Variants in TGFBR3 observed in about 807,000 individuals in gnomAD.
The protein encoded by TGFBR3 is transforming growth factor beta receptor 3, also known as transforming growth factor beta receptor type 3.
In TGFBR3, 46 loss-of-function variants were observed where a neutral mutation model predicts 87.9. The ratio of observed to expected loss-of-function variants is 0.52; its 90% CI spans 0.41 to 0.67. TGFBR3 has a LOEUF of 0.67. TGFBR3 is among the 30% of genes least tolerant of loss of function. The pLI is 0.00. For synonymous variants in TGFBR3, 381 were observed against 391.6 expected (o/e 0.97, Z 0.32); for missense variants, 866 against 1,041.9 (o/e 0.83, Z 2.32).
At chr1:91,755,651 C>T (rs1290884038) in intron 4 of TGFBR3, among the ~76,000 whole-genome samples, 1 of 152,168 alleles carries the variant, frequency 6.6e-6, no homozygotes, top group African/African-American at 2.4e-5. Flanking sequence ...CACCTTCTTT[C>T]ATTGTTAGTG....
At chr1:91,783,722 A>C (rs1349887366) in intron 3 of TGFBR3, among the ~76,000 whole-genome samples, 1 of 152,242 alleles carries the variant, frequency 6.6e-6, no homozygotes, top group Admixed American at 6.5e-5. Context: ...GAGTAAACAA[A>C]GGAAAAAGCC....
intron 2 of TGFBR3, among the ~76,000 whole-genome samples, chr1:91,851,072 T>C (rs1488792333): frequency 1.3e-5 from 2 of 152,194 alleles, no homozygotes; most frequent in Non-Finnish European, 2.9e-5. Context: ...CAGAGTAACT[T>C]TAAAATAATT....
At chr1:91,848,061 A>G (rs974843807) in intron 2 of TGFBR3, among the ~76,000 whole-genome samples, 1 of 152,168 alleles carries the variant, frequency 6.6e-6, no homozygotes, top group Non-Finnish European at 1.5e-5. Context: ...GCATCTGTGG[A>G]ACTCACTGCC....
At chr1:91,848,713 G>A (rs1223858514) in intron 2 of TGFBR3, among the ~76,000 whole-genome samples, 1 of 152,188 alleles carries the variant, frequency 6.6e-6, no homozygotes, top group Non-Finnish European at 1.5e-5. Context: ...ACTGTAAGAA[G>A]CACTTCTGCA....
intron 4 of TGFBR3, among the ~76,000 whole-genome samples, chr1:91,739,880 G>A (rs1404844565): frequency 6.6e-6 from 1 of 152,134 alleles, no homozygotes; most frequent in African/African-American, 2.4e-5. Context: ...TTATATGGCA[G>A]GAGCAGGAGG....
intron 2 of TGFBR3, among the ~76,000 whole-genome samples, chr1:91,834,467 T>C (rs1362855846): frequency 6.6e-6 from 1 of 152,214 alleles, no homozygotes; most frequent in African/African-American, 2.4e-5. Context: ...TGCACTAAAG[T>C]GAAAATCTAT....
intron 2 of TGFBR3, among the ~76,000 whole-genome samples, chr1:91,802,545 G>C (rs1300655577): frequency 2.0e-5 from 3 of 151,938 alleles, no homozygotes; most frequent in African/African-American, 7.3e-5. Context: ...ATTTTCAATA[G>C]AGATGGGGTT....
chr1:91,684,569 A>C (rs1671026717), intron 16 of TGFBR3, among the ~76,000 whole-genome samples: 1 of 152,168 alleles, frequency 6.6e-6, no homozygotes, highest in South Asian at 2.1e-4. Context: ...CACTTTAAGC[A>C]TCCCACTTTT....
chr1:91,681,576 C>CTAAT lies in TGFBR3; in HGVS notation c.*2159_*2162dup. The CTAAT allele has an allele frequency of 2.5e-6, 1 of 397,610 alleles. No homozygotes were observed. Among genetic ancestry groups the CTAAT allele is most frequent in the Admixed American group, 3.4e-5 (1 of 29,366 alleles). 24.6% of individuals were successfully genotyped at this position (397,610 alleles called of 1,614,324 possible). ...TCAATCTTTTAATATCTCCTAATAGCTAATTTTCTTTTTAACACGATGGAA... is the reference window on the plus strand; with the variant it reads ...TCAATCTTTTAATATCTCCTAATAGCTAATTAATTTTCTTTTTAACACGATGGAA... On this transcript the variant is annotated 3_prime_UTR_variant, in exon 17 of 17. Transcript: ENST00000212355.
intron 4 of TGFBR3, among the ~76,000 whole-genome samples, chr1:91,753,982 T>G (rs567200746): frequency 6.6e-6 from 1 of 152,214 alleles, no homozygotes; most frequent in African/African-American, 2.4e-5. Context: ...CCACCAGCAA[T>G]GTATGCGTGT....
At chr1:91,888,042 ACCCAATGG>A (rs556350215), upstream of TGFBR3, among the ~76,000 whole-genome samples, 155 of 152,132 alleles carry the variant, frequency 1.0e-3, no homozygotes, top group Non-Finnish European at 2.0e-3. Context: ...CCTAGGAGGA[ACCCAATGG>A]GAGGTAATTG....
At chr1:91,855,624 C>A (rs1359229965) in intron 2 of TGFBR3, among the ~76,000 whole-genome samples, 1 of 152,134 alleles carries the variant, frequency 6.6e-6, no homozygotes, top group African/African-American at 2.4e-5. Flanking sequence ...ACAATTATCA[C>A]AAATTACAAA....
At chr1:91,882,138 CTTTT>C (rs533806602) in intron 1 of TGFBR3, among the ~76,000 whole-genome samples, 2 of 129,598 alleles carry the variant, frequency 1.5e-5, no homozygotes, top group African/African-American at 2.9e-5. Flanking sequence ...AATTGAAAAC[CTTTT>C]TTTTTTTTTT....
chr1:91,685,496 G>T (rs1444610490), intron 16 of TGFBR3, among the ~76,000 whole-genome samples: 1 of 151,738 alleles, frequency 6.6e-6, no homozygotes, highest in Non-Finnish European at 1.5e-5. Context: ...CTAATTTTTT[G>T]TATTTTTAGT....
chr1:91,836,485 T>C (rs1257220533), intron 2 of TGFBR3, among the ~76,000 whole-genome samples: 1 of 152,098 alleles, frequency 6.6e-6, no homozygotes, highest in Non-Finnish European at 1.5e-5. Flanking sequence ...AGCCGTGGGA[T>C]ATGCACCCAG....
At chr1:91,715,347 G>A (rs555828206) in intron 12 of TGFBR3, among the ~76,000 whole-genome samples, 2 of 152,154 alleles carry the variant, frequency 1.3e-5, no homozygotes, top group African/African-American at 2.4e-5. Flanking sequence ...CGTATCCAGC[G>A]AAGATCAGTC....
At chr1:91,856,800 G>A (rs1254816715) in intron 2 of TGFBR3, among the ~76,000 whole-genome samples, 1 of 152,176 alleles carries the variant, frequency 6.6e-6, no homozygotes, top group Non-Finnish European at 1.5e-5. Context: ...TGTCACACTG[G>A]TAGCTACTCA....
At chr1:91,724,686 C>T (rs1170764069) in intron 7 of TGFBR3, among the ~76,000 whole-genome samples, 1 of 152,204 alleles carries the variant, frequency 6.6e-6, no homozygotes, top group African/African-American at 2.4e-5. Context: ...TGAGCAAATT[C>T]TCACACTGTA....
intron 4 of TGFBR3, among the ~76,000 whole-genome samples, chr1:91,752,411 T>C (rs562148046): frequency 6.6e-6 from 1 of 151,420 alleles, no homozygotes; most frequent in African/African-American, 2.4e-5. Context: ...ATACATTTGC[T>C]CTCTGATTTT....
Sources: gnomAD v4.1 joint callset for allele counts (sites outside exome capture counted in the v4.1 genomes callset) on GRCh38, gnomAD v4.1.1 for gene constraint, MANE v1.5 for transcripts, NCBI Gene and HGNC (gene_info 2026-07-23, HGNC 2026-07-21) for gene names.